NTRK1: variants seen among roughly 807,000 people sequenced by gnomAD.
NTRK1 encodes the protein neurotrophic receptor tyrosine kinase 1.
NTRK1 carries 62 observed loss-of-function variants against 86.8 expected under a neutral mutation model. The observed-to-expected ratio is 0.71, with a 90% confidence interval of 0.58 to 0.88. The LOEUF (loss-of-function observed/expected upper bound fraction) is 0.88, where lower values mean the gene tolerates loss of function less well. NTRK1 is among the 40% of genes least tolerant of loss of function. NTRK1 has a pLI of 0.00. For missense variants in NTRK1, 967 were observed against 1,078.4 expected, an observed-to-expected ratio of 0.90 and a Z score of 1.45; for synonymous variants, 469 against 456.6, an observed-to-expected ratio of 1.03 and a Z score of -0.35.
chr1:156,828,838 G>A (rs745471826), intron 1 of NTRK1, among the ~76,000 whole-genome samples: 2 of 152,232 alleles, frequency 1.3e-5, no homozygotes, highest in African/African-American at 4.8e-5. Flanking sequence ...GTCATTGTAC[G>A]TAGGAAATGA....
chr1:156,860,671 C>A (rs921470398), upstream of NTRK1: 4 of 514,340 alleles, frequency 7.8e-6, no homozygotes, highest in Non-Finnish European at 1.3e-5. Flanking sequence ...CCCTCAGCGT[C>A]TGCCGGAGCT....
intron 2 of NTRK1, chr1:156,848,954 T>C (rs1447017039): frequency 3.1e-6 from 5 of 1,597,154 alleles, no homozygotes; most frequent in Non-Finnish European, 4.3e-6. Context: ...GCTGAGCAGG[T>C]CGCGGGCCTC....
chr1:156,861,963 G>A (rs551984142), intron 1 of NTRK1, among the ~76,000 whole-genome samples: 1 of 152,234 alleles, frequency 6.6e-6, no homozygotes, highest in Admixed American at 6.5e-5. Context: ...ATGCGGTAAT[G>A]ACTGGCCTGG....
chr1:156,849,192 G>A (rs1655116750), intron 2 of NTRK1: 1 of 1,604,846 alleles, frequency 6.2e-7, no homozygotes, highest in South Asian at 1.1e-5. Context: ...TCCCCCGGGT[G>A]TGCGTGTCTA....
rs1211726922 is a variant in NTRK1, at chr1:156,868,623, G to C, written c.693G>C (p.Glu231Asp). The part of the protein sequence containing the change: ...GLEQAGWILT[E>D]LEQSATVMKS... Reference sequence around the variant, plus strand: ...AGCAGGCCGGCTGGATCCTCACAGAGCTGGAGCAGTCAGCCACGGTGATGG... The same window carrying C: ...AGCAGGCCGGCTGGATCCTCACAGACCTGGAGCAGTCAGCCACGGTGATGG... Residue 231 changes from glutamate to aspartate, a missense_variant, in exon 6 of 17, where the codon GAG becomes GAC. Around this residue, in one of 2 missense-constraint regions of NTRK1, gnomAD observed 637 missense variants for 776.5 expected, o/e 0.82. Coordinates refer to ENST00000524377, the MANE Select transcript of NTRK1 (RefSeq NM_002529.4). The C allele has an allele frequency of 1.3e-6, 2 of 1,550,992 alleles. No individual in the cohort carries two copies. Among genetic ancestry groups the C allele is most frequent in the African/African-American group, 1.4e-5 (1 of 73,178 alleles).
At chr1:156,833,645 C>G (rs186672617) in intron 1 of NTRK1, among the ~76,000 whole-genome samples, 20 of 152,260 alleles carry the variant, frequency 1.3e-4, no homozygotes, top group African/African-American at 4.6e-4. Flanking sequence ...ATAATAACTA[C>G]CATGATGCTG....
upstream of NTRK1, among the ~76,000 whole-genome samples, chr1:156,857,163 A>ATGTGTGTGTGTGTGTGTGTGTGTG (rs57324546): frequency 1.5e-5 from 2 of 130,536 alleles, no homozygotes; most frequent in South Asian, 2.8e-4. Flanking sequence ...GCAGCTGTGT[A>ATGTGTGTGTGTGTGTGTGTGTGTG]TGTGTGTGTG....
rs6337 is a variant in NTRK1, at chr1:156,879,203, C to A, written c.1887C>A (p.Ala629=). The stretch of plus-strand genomic sequence containing the variant: ...CCCTGGGTCTGGGGCAGCTGCTGGC[C>A]GTGGCTAGCCAGGTCGCTGCGGGGA... ...PGPLGLGQLL[A]VASQVAAGMV... is the part of the protein sequence containing the mutation. The change falls in exon 15 of 17, where the codon GCC becomes GCA. Residue 629 remains alanine (A), a synonymous_variant. Transcript: ENST00000524377. The A allele has an allele frequency of 6.2e-7, 1 of 1,613,526 alleles. No homozygotes were observed. The highest frequency in any genetic ancestry group is 1.3e-5 in the African/African-American group (1 of 74,904).
At chr1:156,826,293 CTTTTT>C (rs386368405) in intron 1 of NTRK1, among the ~76,000 whole-genome samples, 1,310 of 88,448 alleles carry the variant, frequency 0.015, 21 homozygotes, top group African/African-American at 0.051. Context: ...GACTTGAGCT[CTTTTT>C]TTTTTTTTTT....
Position 156,866,892 on chromosome 1 carries a change from GT to G in NTRK1, c.360-17del. The G allele has an allele frequency of 6.2e-7, 1 of 1,614,014 alleles. No individual in the cohort carries two copies. The highest frequency in any genetic ancestry group is 8.5e-7 in the Non-Finnish European group (1 of 1,179,860). The stretch of plus-strand genomic sequence containing the variant: ...GGTCACTCAAGGGGTCTGTCTTGCT[GT>G]GTCTCCACGCCCGCAGGAATCTCTC... On this transcript the variant is annotated splice_polypyrimidine_tract_variant and intron_variant, in intron 3 of 16. Transcript: ENST00000524377.
intron 1 of NTRK1, among the ~76,000 whole-genome samples, chr1:156,820,361 C>T (rs1401352701): frequency 6.6e-6 from 1 of 152,202 alleles, no homozygotes; most frequent in Non-Finnish European, 1.5e-5. Context: ...ATCTTCTCAC[C>T]TTAGTCTCCC....
chr1:156,837,146 C>T (rs1056112891), intron 1 of NTRK1: 2 of 152,306 alleles, frequency 1.3e-5, no homozygotes, highest in Non-Finnish European at 2.9e-5. Context: ...CCTATCTCAC[C>T]AAGTGCCCTT....
rs1174262233 is a variant in NTRK1, at chr1:156,868,146, C to G, written c.471C>G (p.Arg157=). The change falls in exon 5 of 17, where the codon CGC becomes CGG. Residue 157 remains arginine (R), a synonymous_variant. Coordinates refer to ENST00000524377, the MANE Select transcript of NTRK1 (RefSeq NM_002529.4). The part of the protein sequence containing the change: ...GNPLHCSCAL[R]WLQRWEEEGL... ...CTCTGCACTGTTCTTGTGCCCTGCG[C>G]TGGCTACAGCGCTGGGAGGAGGAGG... 1 of 1,613,838 alleles carries G rather than the reference C, an allele frequency of 6.2e-7. No homozygotes were observed. Among genetic ancestry groups the G allele is most frequent in the Non-Finnish European group, 8.5e-7 (1 of 1,180,058 alleles).
intron 1 of NTRK1, chr1:156,841,907 C>T: frequency 6.3e-7 from 1 of 1,590,916 alleles, no homozygotes; most frequent in Non-Finnish European, 8.6e-7. Context: ...ACCAAGAACC[C>T]TGGAAAGTAG....
chr1:156,879,476 A>G, intron 15 of NTRK1, 114 bp downstream of exon 15: 1 of 1,384,102 alleles, frequency 7.2e-7, no homozygotes. Context: ...TCTGAGATTC[A>G]CTGGCTCTGG....
chr1:156,834,397 T>C (rs1485960121), intron 1 of NTRK1, among the ~76,000 whole-genome samples: 3 of 152,076 alleles, frequency 2.0e-5, no homozygotes, highest in African/African-American at 7.2e-5. Flanking sequence ...CAGCTAGAAG[T>C]AGAAGGCTTA....
At chr1:156,834,643 C>T (rs1383263413) in intron 1 of NTRK1, among the ~76,000 whole-genome samples, 2 of 152,014 alleles carry the variant, frequency 1.3e-5, no homozygotes, top group African/African-American at 4.8e-5. Flanking sequence ...AAATAGAAAA[C>T]TCTTTGCCAC....
At chr1:156,876,254 C>G (rs1336950596) in intron 13 of NTRK1, 44 bp downstream of exon 13, 3 of 1,612,902 alleles carry the variant, frequency 1.9e-6, no homozygotes. Context: ...GGGTCCCACC[C>G]CCAGGAGCTC....
chr1:156,843,164 G>A (rs745547166), intron 2 of NTRK1: 1 of 1,614,022 alleles, frequency 6.2e-7, no homozygotes, highest in South Asian at 1.1e-5. Flanking sequence ...CATCCCAAAA[G>A]AGCCCTGGCC....
Sources: gnomAD v4.1 joint callset for allele counts (sites outside exome capture counted in the v4.1 genomes callset) on GRCh38, gnomAD v4.1.1 for gene constraint, gnomAD v4.1.1 regional missense constraint, MANE v1.5 for transcripts, NCBI Gene and HGNC (gene_info 2026-07-23, HGNC 2026-07-21) for gene names.